IDH3A: variants seen among roughly 807,000 people sequenced by gnomAD.
The protein encoded by IDH3A is isocitrate dehydrogenase [NAD] subunit alpha, mitochondrial.
A neutral mutation model predicts 43.3 loss-of-function variants in IDH3A; 23 were observed. The ratio of observed to expected loss-of-function variants is 0.53; its 90% CI spans 0.38 to 0.75. The LOEUF is 0.75. Among genes scored for constraint, IDH3A ranks in the 30% least tolerant of loss-of-function variants. The pLI, the probability that IDH3A is intolerant of heterozygous loss-of-function variation, is 0.00. For missense variants in IDH3A, 329 were observed against 474.4 expected (o/e 0.69, Z 2.85); for synonymous variants, 154 against 163.5 (o/e 0.94, Z 0.44).
chr15:78,151,561 G>T (rs2074575299), intron 1 of IDH3A: 1 of 129,136 alleles, frequency 7.7e-6, no homozygotes. Flanking sequence ...GCAAGACTCT[G>T]TCTCAAAAAA....
intron 3 of IDH3A, among the ~76,000 whole-genome samples, chr15:78,158,274 G>GT (rs1476399546): frequency 6.6e-6 from 1 of 151,474 alleles, no homozygotes; most frequent in Non-Finnish European, 1.5e-5. Context: ...TAAAAATTCT[G>GT]TAAGTGGATT....
chr15:78,149,887 GC>G (rs1330445727), intron 1 of IDH3A, among the ~76,000 whole-genome samples: 1 of 152,262 alleles, frequency 6.6e-6, no homozygotes, highest in East Asian at 1.9e-4. Flanking sequence ...GCGGCCCTTG[GC>G]CGGGGAACCG....
intron 2 of IDH3A, among the ~76,000 whole-genome samples, chr15:78,156,049 T>A (rs1354388256): frequency 6.6e-6 from 1 of 152,190 alleles, no homozygotes; most frequent in African/African-American, 2.4e-5. Flanking sequence ...GATTTTCTGG[T>A]GACTGGATGA....
chr15:78,153,496 A>G (rs1289516353), intron 1 of IDH3A, among the ~76,000 whole-genome samples: 3 of 152,288 alleles, frequency 2.0e-5, no homozygotes, highest in African/African-American at 4.8e-5. Flanking sequence ...ATTTTGGCCA[A>G]TGGTTTTGGC....
chr15:78,161,573 T>TA lies in IDH3A; in HGVS notation c.290-7dup. 2 of 1,610,826 alleles carry TA rather than the reference T, an allele frequency of 1.2e-6. No homozygotes were observed. Among genetic ancestry groups the TA allele is most frequent in the Non-Finnish European group, 1.7e-6 (2 of 1,179,376 alleles). ...CTAGTGTCATCTGGGTTTTCTTCTG[T>TA]ATAACAGGCCCTTTGAAGACCCCAA... On this transcript the variant is annotated splice_polypyrimidine_tract_variant and splice_region_variant and intron_variant, in intron 4 of 10. Coordinates refer to ENST00000299518, the MANE Select transcript of IDH3A (RefSeq NM_005530.3). This position sits in a 1 kb window ranked among gnomAD's most constrained non-coding sequence, Gnocchi z 4.8.
At chr15:78,166,724 C>T (rs912513061) in intron 10 of IDH3A, among the ~76,000 whole-genome samples, 6 of 152,170 alleles carry the variant, frequency 3.9e-5, no homozygotes, top group Admixed American at 2.0e-4. Context: ...CTGCACCTCC[C>T]GGGTTCAAGC....
At chr15:78,153,993 A>G (rs1231263224) in intron 1 of IDH3A, among the ~76,000 whole-genome samples, 2 of 152,048 alleles carry the variant, frequency 1.3e-5, no homozygotes, top group East Asian at 3.9e-4. Context: ...CTGGGCAACA[A>G]GAGTGAAACT....
At chr15:78,159,853 G>T (rs1427457846) in intron 3 of IDH3A, 2 of 406,776 alleles carry the variant, frequency 4.9e-6, no homozygotes, top group Admixed American at 7.0e-5. Flanking sequence ...AAATTAGCTG[G>T]GTGTGGTGGT....
At chr15:78,168,069 G>T (rs1336331635) in intron 10 of IDH3A, 1 of 152,098 alleles carries the variant, frequency 6.6e-6, no homozygotes, top group Non-Finnish European at 1.5e-5. Context: ...AGGAAAGAAA[G>T]GATAAGCTGG....
chr15:78,166,399 G>T (rs775196320), intron 10 of IDH3A, 97 bp downstream of exon 10: 148 of 1,246,768 alleles, frequency 1.2e-4, no homozygotes, highest in Non-Finnish European at 1.7e-4. Context: ...TAGTTCTCAG[G>T]CGGGCCCAAG....
intron 1 of IDH3A, 130 bp from the exon 2 acceptor site, chr15:78,155,083 T>C (rs1596375623): frequency 1.8e-6 from 1 of 545,250 alleles, no homozygotes; most frequent in East Asian, 3.0e-5. Flanking sequence ...ATGAGATTTG[T>C]ATTCCTGGGA....
chr15:78,163,676 C>A, intron 7 of IDH3A, 40 bp from the exon 8 acceptor site: 1 of 1,574,558 alleles, frequency 6.4e-7, no homozygotes, highest in Non-Finnish European at 8.7e-7. Flanking sequence ...TGTGGGGATG[C>A]AGATTTTGAT....
At chr15:78,155,135 C>A in intron 1 of IDH3A, 78 bp from the exon 2 acceptor site, 2 of 969,154 alleles carry the variant, frequency 2.1e-6, no homozygotes, top group South Asian at 1.4e-5. Flanking sequence ...CATTACCATC[C>A]ATCAGGACTT....
At chr15:78,162,052 A>G (rs2141297840) in intron 5 of IDH3A, among the ~76,000 whole-genome samples, 182 bp from the exon 6 acceptor site, 1 of 152,198 alleles carries the variant, frequency 6.6e-6, no homozygotes, top group East Asian at 1.9e-4. Context: ...GGGGCTCATA[A>G]TACTTACCTC....
Position 78,161,885 on chromosome 15 carries a change from T to A in IDH3A, c.477+117T>A. 1 of 911,072 alleles carries A rather than the reference T, an allele frequency of 1.1e-6. No individual in the cohort carries two copies. The allele number at this position is 911,072 out of a possible 1,614,324, so 56.4% of individuals were successfully genotyped here. Reference sequence around the variant, plus strand: ...GAGTTGTGGGTGTTTGTCTTGGTGCTGGGTGTCTGGCTGACAGTACTCAAA... The same window carrying A: ...GAGTTGTGGGTGTTTGTCTTGGTGCAGGGTGTCTGGCTGACAGTACTCAAA... On this transcript the variant is annotated intron_variant, in intron 5 of 10. Transcript: ENST00000299518. This position sits in a 1 kb window ranked among gnomAD's most constrained non-coding sequence, Gnocchi z 4.8.
chr15:78,164,879 C>T, intron 8 of IDH3A, 113 bp from the exon 9 acceptor site: 2 of 783,234 alleles, frequency 2.6e-6, no homozygotes, highest in Non-Finnish European at 4.3e-6. Context: ...GCCATTTATC[C>T]AAGGAATGCT....
At chr15:78,159,850 C>A in intron 3 of IDH3A, 1 of 389,884 alleles carries the variant, frequency 2.6e-6, no homozygotes, top group Non-Finnish European at 4.8e-6. Context: ...AAAAAATTAG[C>A]TGGGTGTGGT....
Position 78,149,439 on chromosome 15 carries a change from T to C in IDH3A, c.27+9T>C, listed in dbSNP as rs1332366247. 6.5e-7 allele frequency: 1 copy of C among 1,539,376 alleles called. No individual in the cohort carries two copies. Among genetic ancestry groups the C allele is most frequent in the South Asian group, 1.2e-5 (1 of 83,756 alleles). ...CCGCGTGGATCTCTAAGGTGAGCGCTGGCAGGCCGGCGTGTGGCAGGCAGG... is the reference window on the plus strand; with the variant it reads ...CCGCGTGGATCTCTAAGGTGAGCGCCGGCAGGCCGGCGTGTGGCAGGCAGG... On this transcript the variant is annotated intron_variant, in intron 1 of 10. Transcript: ENST00000299518.
chr15:78,150,584 A>G (rs1180775558), intron 1 of IDH3A, among the ~76,000 whole-genome samples: 1 of 152,256 alleles, frequency 6.6e-6, no homozygotes, highest in African/African-American at 2.4e-5. Context: ...CCCTAAGCAA[A>G]TTACTAAACA....
Sources: allele counts gnomAD v4.1 joint callset (sites outside exome capture counted in the v4.1 genomes callset), GRCh38; gene constraint gnomAD v4.1.1; non-coding constraint Gnocchi (gnomAD v3.1); transcripts MANE v1.5; gene names NCBI Gene and HGNC (gene_info 2026-07-23, HGNC 2026-07-21).